The following ADD1 variants were observed in gnomAD, a reference collection of about 807,000 sequenced individuals.
ADD1 encodes alpha-adducin.
A neutral mutation model predicts 80.5 loss-of-function variants in ADD1; 24 were observed. The observed-to-expected ratio is 0.30, with a 90% CI of 0.22 to 0.42. The LOEUF is 0.42. Among genes scored for constraint, ADD1 ranks in the 10% least tolerant of loss-of-function variants. The pLI is 1.00. For synonymous variants in ADD1, 373 were observed against 393.8 expected, an observed-to-expected ratio of 0.95 and a Z score of 0.63; for missense variants, 948 against 1,019.0, an observed-to-expected ratio of 0.93 and a Z score of 0.95.
chr4:2,883,791 C>G (rs1732793195), intron 3 of ADD1, among the ~76,000 whole-genome samples: 1 of 152,112 alleles, frequency 6.6e-6, no homozygotes, highest in African/African-American at 2.4e-5. Flanking sequence ...CCTGCCTCAG[C>G]CTCCCAAGTA....
intron 4 of ADD1, among the ~76,000 whole-genome samples, chr4:2,892,850 A>AC (rs1338054525): frequency 7.1e-6 from 1 of 140,556 alleles, no homozygotes; most frequent in Non-Finnish European, 1.6e-5. Context: ...AAAATAAAAA[A>AC]CAAAAAAAAA....
intron 1 of ADD1, among the ~76,000 whole-genome samples, chr4:2,867,662 G>A (rs958914293): frequency 1.3e-5 from 2 of 152,228 alleles, no homozygotes; most frequent in Non-Finnish European, 2.9e-5. Context: ...AGGCTGGGAA[G>A]CCGTTAACTA....
intron 4 of ADD1, among the ~76,000 whole-genome samples, chr4:2,890,596 G>T (rs1734146216): frequency 6.6e-6 from 1 of 151,698 alleles, no homozygotes; most frequent in African/African-American, 2.4e-5. Context: ...TTTTAGTAGA[G>T]ACAGGGTTTC....
intron 1 of ADD1, among the ~76,000 whole-genome samples, chr4:2,858,589 G>T (rs888021685): frequency 6.6e-6 from 1 of 152,194 alleles, no homozygotes; most frequent in Non-Finnish European, 1.5e-5. Flanking sequence ...ATACCAGACA[G>T]ATTTTGGAAA....
intron 1 of ADD1, among the ~76,000 whole-genome samples, chr4:2,874,006 T>G (rs1730852811): frequency 6.6e-6 from 1 of 151,714 alleles, no homozygotes; most frequent in Non-Finnish European, 1.5e-5. Flanking sequence ...ACCTAGGAGT[T>G]TGAGACCAGC....
chr4:2,919,136 GTT>G (rs1300957234), intron 14 of ADD1, among the ~76,000 whole-genome samples: 5 of 152,116 alleles, frequency 3.3e-5, no homozygotes, highest in Non-Finnish European at 7.4e-5. Context: ...ACCGCACCTG[GTT>G]GATTTGCATA....
In ADD1 at chr4:2,928,368, C is replaced by T. The variant is rs776008422; in HGVS notation, c.2245C>T (p.Pro749Ser). 33 of 1,613,462 alleles carry T rather than the reference C, an allele frequency of 2.0e-5. No homozygotes were observed. Among genetic ancestry groups the T allele is most frequent in the Non-Finnish European group, 2.7e-5 (32 of 1,179,894 alleles). Residue 749 changes from proline (P) to serine (S), a missense_variant, in exon 16 of 16, where the codon CCG (proline) becomes TCG (serine). Pro to Ser is a moderately conservative substitution (Grantham distance 74). Transcript: ENST00000683351. Reference sequence around the variant, plus strand: ...CCCCGAGCCAGCCCCAGACCCAGCCCCGGTGGCTGAAGAGGCTGCCCCCTC... The same window carrying T: ...CCCCGAGCCAGCCCCAGACCCAGCCTCGGTGGCTGAAGAGGCTGCCCCCTC... ...ASPEPAPDPA[P>S]VAEEAAPSAV...
chr4:2,923,209 T>C (rs955103770), intron 14 of ADD1, among the ~76,000 whole-genome samples: 1 of 152,156 alleles, frequency 6.6e-6, no homozygotes, highest in Non-Finnish European at 1.5e-5. Flanking sequence ...TGCAGCTAGC[T>C]CAGTGTCTGC....
chr4:2,907,233 C>T (rs1737212492), intron 10 of ADD1: 1 of 153,524 alleles, frequency 6.5e-6, no homozygotes, highest in Non-Finnish European at 1.5e-5. Context: ...GTTACGCAGA[C>T]AGTGCATTCT....
Position 2,861,137 on chromosome 4 carries a change from C to CT in ADD1, c.-20-14758dup, listed in dbSNP as rs572107657. Among the ~76,000 whole-genome samples the CT allele has an allele frequency of 3.9e-4, 59 of 152,290 alleles. 1 individual carries two copies. In the South Asian group the frequency reaches 0.01, roughly 27 times the overall value. ...AGAGAGGACAGCAAGTACAAAGACT[C>CT]TGAGGCAGGAAGGGGCTGGGAGTGT... On this transcript the variant is annotated intron_variant, in intron 1 of 15. Transcript: ENST00000683351.
chr4:2,887,893 T>C (rs1352826626), intron 4 of ADD1, among the ~76,000 whole-genome samples: 4 of 152,202 alleles, frequency 2.6e-5, no homozygotes, highest in African/African-American at 9.7e-5. Flanking sequence ...TTTTACTTGA[T>C]GTTTGTAATT....
At chr4:2,855,824 C>T (rs1281533601) in intron 1 of ADD1, among the ~76,000 whole-genome samples, 1 of 151,800 alleles carries the variant, frequency 6.6e-6, no homozygotes, top group African/African-American at 2.4e-5. Flanking sequence ...CTTCAGCCCC[C>T]AAGTAGCTGG....
chr4:2,923,062 A>G (rs2109196457), intron 14 of ADD1, among the ~76,000 whole-genome samples: 1 of 152,344 alleles, frequency 6.6e-6, no homozygotes, highest in Admixed American at 6.5e-5. Context: ...AGTGGATCTT[A>G]GCTTGCTGGG....
At chr4:2,911,450 T>A (rs28435767) in intron 13 of ADD1, among the ~76,000 whole-genome samples, 8,894 of 111,816 alleles carry the variant, frequency 0.08, 283 homozygotes, top group African/African-American at 0.1. Context: ...ATATATATAT[T>A]TTTTTTTTTT....
chr4:2,911,448 A>ATATATATATATATATATTTTTTTTTTT (rs553567632), intron 13 of ADD1, among the ~76,000 whole-genome samples: 18 of 130,482 alleles, frequency 1.4e-4, no homozygotes, highest in African/African-American at 5.3e-4. Flanking sequence ...ATATATATAT[A>ATATATATATATATATATTTTTTTTTTT]TTTTTTTTTT....
At chr4:2,925,975 G>A (rs765949498) in intron 14 of ADD1, 39 bp from the exon 15 acceptor site, 14 of 1,588,306 alleles carry the variant, frequency 8.8e-6, no homozygotes, top group South Asian at 3.3e-5. Flanking sequence ...ATGGCGTGGC[G>A]TCCACAGCTC....
At chr4:2,854,311 G>T (rs969243345) in intron 1 of ADD1, among the ~76,000 whole-genome samples, 6 of 152,156 alleles carry the variant, frequency 3.9e-5, no homozygotes, top group Admixed American at 3.9e-4. Context: ...GCGACAGAAT[G>T]AGACTCCATC....
intron 14 of ADD1, among the ~76,000 whole-genome samples, chr4:2,916,021 C>T (rs543810273): frequency 9.2e-5 from 14 of 152,186 alleles, no homozygotes; most frequent in African/African-American, 3.1e-4. Flanking sequence ...GAGGAGACAG[C>T]AGGACCGAGG....
At chr4:2,894,178 A>G in intron 5 of ADD1, 85 bp downstream of exon 5, 1 of 1,118,172 alleles carries the variant, frequency 8.9e-7, no homozygotes, top group Non-Finnish European at 1.4e-6. Flanking sequence ...AATATGTAAA[A>G]CCCAAGAAAC....
Sources: allele counts gnomAD v4.1 joint callset (sites outside exome capture counted in the v4.1 genomes callset), GRCh38; gene constraint gnomAD v4.1.1; transcripts MANE v1.5; gene names NCBI Gene and HGNC (gene_info 2026-07-23, HGNC 2026-07-21).